TCIRG1: variants seen among roughly 807,000 people sequenced by gnomAD.
The protein encoded by TCIRG1 is T cell immune regulator 1, ATPase H+ transporting V0 subunit a3, also known as V-type proton ATPase 116 kDa subunit a 3.
TCIRG1 carries 86 observed loss-of-function variants against 95.5 expected under a neutral mutation model. The ratio of observed to expected loss-of-function variants is 0.90; its 90% CI spans 0.76 to 1.08. The LOEUF (loss-of-function observed/expected upper bound fraction) is 1.08. Among genes scored for constraint, TCIRG1 ranks in the 50% least tolerant of loss-of-function variants. The pLI is 0.00. For missense variants in TCIRG1, 1,069 were observed against 1,140.2 expected (o/e 0.94, Z 0.90); for synonymous variants, 499 against 501.3 (o/e 1.00, Z 0.06).
At chr11:68,050,965 T>C, downstream of TCIRG1, 1 of 898,898 alleles carries the variant, frequency 1.1e-6, no homozygotes, top group Non-Finnish European at 1.8e-6. Flanking sequence ...TGGTGTAGGA[T>C]CTGGGACCTC....
intron 10 of TCIRG1, among the ~76,000 whole-genome samples, chr11:68,046,495 CT>C (rs915793389): frequency 4.6e-5 from 7 of 152,166 alleles, no homozygotes; most frequent in African/African-American, 1.7e-4. Flanking sequence ...CCAAATGTTC[CT>C]TTTCATAAGG....
chr11:68,051,658 G>C (rs1265697978), downstream of TCIRG1, among the ~76,000 whole-genome samples: 1 of 152,260 alleles, frequency 6.6e-6, no homozygotes, highest in Non-Finnish European at 1.5e-5. Flanking sequence ...CTGGATGCCA[G>C]GGGTCGTATC....
In TCIRG1 at chr11:68,050,070, G is replaced by T. The variant is rs752123434; in HGVS notation, c.2118+4G>T. 1 of 1,613,100 alleles carries T rather than the reference G, an allele frequency of 6.2e-7. No individual in the cohort carries two copies. Among genetic ancestry groups the T allele is most frequent in the Non-Finnish European group, 8.5e-7 (1 of 1,179,820 alleles). On this transcript the variant is annotated splice_donor_region_variant and intron_variant, in intron 17 of 19. Transcript: ENST00000265686. ...GGATGATGAAGAGGAGGCCGAGGTG[G>T]GTGCAGTGCCTTCCTGGGGGTGGGA...
chr11:68,045,019 T>A lies in TCIRG1; in HGVS notation c.1082T>A (p.Leu361His). 6.2e-7 allele frequency: 1 copy of A among 1,608,326 alleles called. No individual in the cohort carries two copies. Among genetic ancestry groups the A allele is most frequent in the Non-Finnish European group, 8.5e-7 (1 of 1,179,980 alleles). Residue 361 changes from leucine to histidine, a missense_variant, in exon 10 of 20, where the codon CTC becomes CAC. Physicochemically the swap from Leu to His is moderately conservative, Grantham distance 99. Coordinates refer to ENST00000265686, the MANE Select transcript of TCIRG1 (RefSeq NM_006019.4). ...CCCTGCCGGGACATGCCCCCCACAC[T>A]CATCCGCACCAACCGCTTCACGGCC... The part of the protein sequence containing the change: ...RIPCRDMPPT[L>H]IRTNRFTASF...
At chr11:68,039,356 C>A (rs775656343) in intron 1 of TCIRG1, among the ~76,000 whole-genome samples, 1 of 152,184 alleles carries the variant, frequency 6.6e-6, no homozygotes, top group Non-Finnish European at 1.5e-5. Flanking sequence ...GTGCGCGGAG[C>A]TTTCCCCGCT....
At chr11:68,041,930 G>A in intron 3 of TCIRG1, 99 bp downstream of exon 3, 1 of 1,107,050 alleles carries the variant, frequency 9.0e-7, no homozygotes, top group Non-Finnish European at 1.3e-6. Flanking sequence ...CAGGTGGAAG[G>A]CAGAGAAGGG....
At chr11:68,045,885 C>T (rs1207570713) in intron 10 of TCIRG1, among the ~76,000 whole-genome samples, 1 of 152,218 alleles carries the variant, frequency 6.6e-6, no homozygotes, top group Non-Finnish European at 1.5e-5. Flanking sequence ...CAAGTCCCCT[C>T]CCGACATGGG....
At chr11:68,048,094 C>G in intron 13 of TCIRG1, 122 bp downstream of exon 13, 1 of 884,524 alleles carries the variant, frequency 1.1e-6, no homozygotes, top group Admixed American at 2.0e-5. Flanking sequence ...CAGGCCCTTT[C>G]CTCAGCACAA....
downstream of TCIRG1, among the ~76,000 whole-genome samples, chr11:68,051,423 TAC>T (rs536751406): frequency 9.8e-5 from 15 of 152,336 alleles, no homozygotes; most frequent in East Asian, 2.9e-3. Context: ...CACCTGAGAC[TAC>T]AGTCTTCCTG....
At chr11:68,039,485 GA>G (rs1194216808) in intron 1 of TCIRG1, among the ~76,000 whole-genome samples, 2 of 152,136 alleles carry the variant, frequency 1.3e-5, no homozygotes, top group African/African-American at 2.4e-5. Flanking sequence ...ACCCCATTTG[GA>G]ATGGAGGGGG....
chr11:68,051,908 A>C (rs1014156434), downstream of TCIRG1, among the ~76,000 whole-genome samples: 3 of 152,026 alleles, frequency 2.0e-5, no homozygotes, highest in African/African-American at 7.2e-5. Context: ...CCCCAGTGTG[A>C]TTTAGGAGGG....
chr11:68,044,073 C>T, intron 8 of TCIRG1, 59 bp from the exon 9 acceptor site: 1 of 1,481,656 alleles, frequency 6.7e-7, no homozygotes, highest in Non-Finnish European at 9.1e-7. Context: ...GGTGGGTGCC[C>T]CCGGCCCAGC....
intron 9 of TCIRG1, among the ~76,000 whole-genome samples, chr11:68,044,619 T>G (rs1272441381): frequency 6.6e-6 from 1 of 152,186 alleles, no homozygotes; most frequent in African/African-American, 2.4e-5. Flanking sequence ...CCTGTGACCT[T>G]AGGCCTGCTC....
chr11:68,053,128 G>A (rs957712477), downstream of TCIRG1: 1 of 153,142 alleles, frequency 6.5e-6, no homozygotes, highest in Non-Finnish European at 1.5e-5. Context: ...CCTGCCCAGG[G>A]GAGGCCCAGC....
chr11:68,041,943 G>T (rs1180713229), intron 3 of TCIRG1, 112 bp downstream of exon 3: 7 of 962,532 alleles, frequency 7.3e-6, no homozygotes, highest in African/African-American at 4.8e-5. Flanking sequence ...GAGAAGGGAG[G>T]TATATGCAGG....
chr11:68,050,307 C>T (rs182315666), intron 18 of TCIRG1, 53 bp downstream of exon 18: 44 of 1,598,506 alleles, frequency 2.8e-5, no homozygotes, highest in African/African-American at 6.7e-5. Flanking sequence ...TCTCACATAC[C>T]GCTGCTGGCT....
rs762889536 is a variant in TCIRG1, at chr11:68,049,213, G to A, written c.1806G>A (p.Ser602=). 8.1e-6 allele frequency: 13 copies of A among 1,613,800 alleles called. No homozygotes were observed. Among genetic ancestry groups the A allele is most frequent in the Middle Eastern group, 1.6e-4 (1 of 6,062 alleles). The change falls in exon 15 of 20, where the codon TCG becomes TCA. Residue 602 remains serine (S), a synonymous_variant. Coordinates refer to ENST00000265686, the MANE Select transcript of TCIRG1 (RefSeq NM_006019.4). Reference sequence around the variant, plus strand: ...GTGTCTGGGCTGCCAGGGCCGCCTCGGCCCCCAGCATCCTCATCCACTTCA... The same window carrying A: ...GTGTCTGGGCTGCCAGGGCCGCCTCAGCCCCCAGCATCCTCATCCACTTCA... ...WLCVWAARAA[S]APSILIHFIN...
At chr11:68,052,257 T>C (rs868544930), downstream of TCIRG1, 1 of 152,294 alleles carries the variant, frequency 6.6e-6, no homozygotes, top group African/African-American at 2.4e-5. Context: ...GGAATGGCAG[T>C]GTCCTGGGTA....
At chr11:68,044,448 C>G in intron 9 of TCIRG1, 104 bp downstream of exon 9, 1 of 928,112 alleles carries the variant, frequency 1.1e-6, no homozygotes, top group African/African-American at 1.6e-5. Context: ...TGGGCTTTGC[C>G]TAGGGGCTCC....
Sources: allele counts gnomAD v4.1 joint callset (sites outside exome capture counted in the v4.1 genomes callset), GRCh38; gene constraint gnomAD v4.1.1; transcripts MANE v1.5; gene names NCBI Gene and HGNC (gene_info 2026-07-23, HGNC 2026-07-21).